Variants in CRIM1 observed in about 807,000 individuals in gnomAD.
CRIM1 encodes the protein cysteine rich transmembrane BMP regulator 1.
In CRIM1, 32 loss-of-function variants were observed where a neutral mutation model predicts 116.4. The ratio of observed to expected loss-of-function variants is 0.27; its 90% CI spans 0.21 to 0.37. The LOEUF (loss-of-function observed/expected upper bound fraction) is 0.37, where lower values mean the gene tolerates loss of function less well. Among genes scored for constraint, CRIM1 ranks in the 10% least tolerant of loss-of-function variants. The probability of loss-of-function intolerance (pLI) is 1.00; values close to 1 mark genes in which losing one functional copy is unlikely to be tolerated. For missense variants in CRIM1, 1,331 were observed against 1,354.8 expected (o/e 0.98, Z 0.28); for synonymous variants, 590 against 509.2 (o/e 1.16, Z -2.13).
At chr2:36,491,512 A>G (rs1358723646) in intron 7 of CRIM1, among the ~76,000 whole-genome samples, 1 of 152,210 alleles carries the variant, frequency 6.6e-6, no homozygotes, top group Non-Finnish European at 1.5e-5. Context: ...AATTAGAGAT[A>G]CAGCCTCTTA....
rs145632718 is a variant in CRIM1, at chr2:36,512,344, C to G, written c.1730C>G (p.Pro577Arg). The G allele has an allele frequency of 6.2e-7, 1 of 1,613,866 alleles. No individual in the cohort carries two copies. The highest frequency in any genetic ancestry group is 1.3e-5 in the African/African-American group (1 of 75,064). The change falls in exon 10 of 17, where the codon CCC becomes CGC. Residue 577 changes from proline (P) to arginine (R), a missense_variant. This residue lies in a region of CRIM1 where 358 missense variants were observed against 436.1 expected (regional missense o/e 0.82). Coordinates refer to ENST00000280527, the MANE Select transcript of CRIM1 (RefSeq NM_016441.3). Reference protein sequence around the residue: ...CPELSCSKICPLGFQQDSHGC... With the variant: ...CPELSCSKICRLGFQQDSHGC... Reference sequence around the variant, plus strand: ...GAGCTCTCATGCAGTAAGATCTGCCCCTTGGGTTTCCAGCAGGACAGTCAC... The same window carrying G: ...GAGCTCTCATGCAGTAAGATCTGCCGCTTGGGTTTCCAGCAGGACAGTCAC...
At chr2:36,359,483 G>A (rs1669079710) in intron 1 of CRIM1, among the ~76,000 whole-genome samples, 1 of 152,124 alleles carries the variant, frequency 6.6e-6, no homozygotes, top group Admixed American at 6.6e-5. Flanking sequence ...GCAGAAATGG[G>A]CCCCTTTCAG....
At chr2:36,370,353 G>A (rs1429452771) in intron 1 of CRIM1, among the ~76,000 whole-genome samples, 5 of 152,106 alleles carry the variant, frequency 3.3e-5, no homozygotes, top group Non-Finnish European at 7.3e-5. Flanking sequence ...AGAAGCCAGA[G>A]GTGTTTTTTG....
In CRIM1 at chr2:36,550,350, G is replaced by GTAAC. The variant is rs918140580; in HGVS notation, c.*1651_*1654dup. 10 of 152,050 alleles carry GTAAC rather than the reference G, an allele frequency of 6.6e-5. No homozygotes were observed. The highest frequency in any genetic ancestry group is 2.4e-4 in the African/African-American group (10 of 41,316). 9.4% of individuals were successfully genotyped at this position (152,050 alleles called of 1,614,324 possible). A position where few individuals can be genotyped will look rare whatever the true frequency, so the allele number is the denominator to read the frequency against. ...ATATAACTGACTGTATACTATAGTG[G>GTAAC]TAACTTTTCAAACAGCCCTTAGCAC... On this transcript the variant is annotated 3_prime_UTR_variant, in exon 17 of 17. Coordinates refer to ENST00000280527, the MANE Select transcript of CRIM1 (RefSeq NM_016441.3).
chr2:36,403,709 G>T (rs1385677179), intron 2 of CRIM1, among the ~76,000 whole-genome samples: 1 of 152,182 alleles, frequency 6.6e-6, no homozygotes, highest in Non-Finnish European at 1.5e-5. Context: ...TGCTGGAGAG[G>T]AGGTGGTCAG....
intron 2 of CRIM1, among the ~76,000 whole-genome samples, chr2:36,412,313 G>GAAT (rs3836081): frequency 0.18 from 26,809 of 150,942 alleles, 3,080 homozygotes; most frequent in African/African-American, 0.33. Context: ...GAATACCGAG[G>GAAT]ACAAAGGTAA....
At chr2:36,387,857 G>C (rs1427388417) in intron 1 of CRIM1, among the ~76,000 whole-genome samples, 1 of 151,268 alleles carries the variant, frequency 6.6e-6, no homozygotes, top group Non-Finnish European at 1.5e-5. Flanking sequence ...AACTGTTTTT[G>C]TTGCTTTTAC....
Position 36,550,772 on chromosome 2 carries a change from GTAAT to G in CRIM1, c.*2076_*2079del, listed in dbSNP as rs1025393799. The G allele has an allele frequency of 1.2e-4, 18 of 152,302 alleles. No individual in the cohort carries two copies. Among genetic ancestry groups the G allele is most frequent in the African/African-American group, 3.9e-4 (16 of 41,354 alleles). 9.4% of individuals were successfully genotyped at this position (152,302 alleles called of 1,614,324 possible). A position where few individuals can be genotyped will look rare whatever the true frequency, so the allele number is the denominator to read the frequency against. On this transcript the variant is annotated 3_prime_UTR_variant, in exon 17 of 17. Transcript: ENST00000280527. ...AGCCTGATTAGTATAAATTTTGTTG[GTAAT>G]TAATCCATTCCTGGCATAAAAAGTC...
At chr2:36,544,579 G>C in intron 15 of CRIM1, 81 bp downstream of exon 15, 1 of 1,278,244 alleles carries the variant, frequency 7.8e-7, no homozygotes, top group Non-Finnish European at 1.0e-6. Context: ...AATTTCCTAT[G>C]AGTAACTTTT....
chr2:36,377,732 T>C (rs1670431643), intron 1 of CRIM1, among the ~76,000 whole-genome samples: 1 of 152,222 alleles, frequency 6.6e-6, no homozygotes, highest in Non-Finnish European at 1.5e-5. Flanking sequence ...TACTCATTCA[T>C]GCTTTGTTGA....
At chr2:36,401,322 C>G (rs1490094979) in intron 2 of CRIM1, among the ~76,000 whole-genome samples, 1 of 152,110 alleles carries the variant, frequency 6.6e-6, no homozygotes, top group Non-Finnish European at 1.5e-5. Flanking sequence ...AACAGTCAGC[C>G]GTGGCTTAGT....
intron 9 of CRIM1, among the ~76,000 whole-genome samples, chr2:36,511,144 G>A (rs1228159740): frequency 6.6e-6 from 1 of 151,840 alleles, no homozygotes. Flanking sequence ...GTTTCACCAT[G>A]TTTCCCAGGC....
At chr2:36,488,271 C>A (rs964480298) in intron 7 of CRIM1, among the ~76,000 whole-genome samples, 1 of 152,168 alleles carries the variant, frequency 6.6e-6, no homozygotes, top group Non-Finnish European at 1.5e-5. Context: ...AGGACAGGTT[C>A]AAAGAGGGGA....
Position 36,361,355 on chromosome 2 carries a change from G to A in CRIM1, c.331+4732G>A, listed in dbSNP as rs1250827026. On this transcript the variant is annotated intron_variant, in intron 1 of 16. Coordinates refer to ENST00000280527, the MANE Select transcript of CRIM1 (RefSeq NM_016441.3). ...GAAAACTGAACAGTCCTTAATCTGT[G>A]TAGGCATTACATCCATTTGTAGGAG... Among the ~76,000 whole-genome samples the A allele has an allele frequency of 4.6e-5, 7 of 152,192 alleles. 1 individual carries two copies.
At chr2:36,413,827 A>G (rs1165270266) in intron 2 of CRIM1, among the ~76,000 whole-genome samples, 1 of 152,168 alleles carries the variant, frequency 6.6e-6, no homozygotes, top group African/African-American at 2.4e-5. Context: ...TGTAAAGTGT[A>G]TGTATTTGGA....
intron 11 of CRIM1, 28 bp from the exon 12 acceptor site, chr2:36,517,299 T>C: frequency 6.3e-7 from 1 of 1,579,406 alleles, no homozygotes. Flanking sequence ...AGATGAATAA[T>C]GTGTTCTGAT....
chr2:36,440,511 C>T (rs762644267), intron 2 of CRIM1, among the ~76,000 whole-genome samples: 15 of 152,164 alleles, frequency 9.9e-5, no homozygotes, highest in Non-Finnish European at 1.6e-4. Flanking sequence ...TTTCAGAAGC[C>T]AGGGCTTTGC....
At chr2:36,530,206 G>C (rs3755197) in intron 13 of CRIM1, among the ~76,000 whole-genome samples, 2 of 151,960 alleles carry the variant, frequency 1.3e-5, no homozygotes. Context: ...CATCTGTTTT[G>C]AGCAAGACTT....
At chr2:36,477,311 C>G (rs569130650) in intron 6 of CRIM1, among the ~76,000 whole-genome samples, 28 of 152,236 alleles carry the variant, frequency 1.8e-4, no homozygotes, top group South Asian at 1.5e-3. Context: ...TTTCCACAGG[C>G]AACGTGAGAT....
Sources: allele counts gnomAD v4.1 joint callset (sites outside exome capture counted in the v4.1 genomes callset), GRCh38; gene constraint gnomAD v4.1.1; regional missense constraint gnomAD v4.1.1; transcripts MANE v1.5; gene names NCBI Gene and HGNC (gene_info 2026-07-23, HGNC 2026-07-21).